Variants in EML1 observed in about 807,000 individuals in gnomAD.
The protein encoded by EML1 is EMAP like 1.
In EML1, 27 loss-of-function variants were observed where a neutral mutation model predicts 110.4. That is an observed-to-expected ratio of 0.24 (90% CI 0.18 to 0.34). The LOEUF (loss-of-function observed/expected upper bound fraction) is 0.34, where lower values mean the gene tolerates loss of function less well. EML1 is among the 10% of genes least tolerant of loss of function. The pLI, the probability that EML1 is intolerant of heterozygous loss-of-function variation, is 1.00. For synonymous variants in EML1, 344 were observed against 385.8 expected, an observed-to-expected ratio of 0.89 and a Z score of 1.27; for missense variants, 741 against 1,030.9, an observed-to-expected ratio of 0.72 and a Z score of 3.85.
intron 1 of EML1, among the ~76,000 whole-genome samples, chr14:99,807,242 A>G (rs761991780): frequency 2.6e-5 from 4 of 152,236 alleles, no homozygotes; most frequent in Non-Finnish European, 5.9e-5. Context: ...GTTGGAGTGC[A>G]TAGGCTTTGG....
intron 1 of EML1, among the ~76,000 whole-genome samples, chr14:99,758,166 A>G (rs1234307074): frequency 6.6e-6 from 1 of 152,348 alleles, no homozygotes; most frequent in Non-Finnish European, 1.5e-5. Context: ...CTGGGAAAAC[A>G]TGCTGTCTCA....
At chr14:99,748,719 T>A (rs2057141367) in intron 1 of EML1, among the ~76,000 whole-genome samples, 1 of 152,196 alleles carries the variant, frequency 6.6e-6, no homozygotes, top group African/African-American at 2.4e-5. Context: ...ATCCAGTGGT[T>A]GTTAGTATAT....
At chr14:99,800,942 A>T (rs2057863723) in intron 1 of EML1, among the ~76,000 whole-genome samples, 1 of 152,214 alleles carries the variant, frequency 6.6e-6, no homozygotes, top group South Asian at 2.1e-4. Flanking sequence ...CGAGGTAGGG[A>T]GTCTTACAGG....
At chr14:99,749,008 C>T (rs1272236000) in intron 1 of EML1, among the ~76,000 whole-genome samples, 5 of 152,132 alleles carry the variant, frequency 3.3e-5, no homozygotes, top group Non-Finnish European at 5.9e-5. Context: ...TTCCTATTGC[C>T]GATTAATACC....
chr14:99,753,231 G>A (rs929906671), intron 1 of EML1, among the ~76,000 whole-genome samples: 29 of 61,850 alleles, frequency 4.7e-4, no homozygotes, highest in African/African-American at 1.7e-3. Context: ...CACTGCCCCC[G>A]CACCTGCTTT....
intron 1 of EML1, among the ~76,000 whole-genome samples, chr14:99,840,464 C>A (rs2058615068): frequency 6.6e-6 from 1 of 152,194 alleles, no homozygotes; most frequent in African/African-American, 2.4e-5. Flanking sequence ...TCATCTGTGG[C>A]ATGAGGGTGG....
At chr14:99,790,554 T>G (rs2057652674), upstream of EML1, among the ~76,000 whole-genome samples, 1 of 152,204 alleles carries the variant, frequency 6.6e-6, no homozygotes, top group Non-Finnish European at 1.5e-5. Flanking sequence ...CTTTTCAAGT[T>G]CAGAAATACC....
chr14:99,917,898 G>A lies in EML1; in HGVS notation c.1820+49G>A, dbSNP rs756973881. 5.1e-6 allele frequency: 8 copies of A among 1,582,574 alleles called. No individual in the cohort carries two copies. The African/African-American group carries it at 1.1e-4, about 21-fold the overall frequency. ...GTGCTTGCAAAGCTTATGGAAAAGA[G>A]GCCTGTTGTTTCTATTTCCCCAGGA... On this transcript the variant is annotated intron_variant, in intron 16 of 21. Coordinates refer to ENST00000262233, the MANE Select transcript of EML1 (RefSeq NM_004434.3).
upstream of EML1, among the ~76,000 whole-genome samples, chr14:99,770,373 T>G (rs2057411163): frequency 1.2e-5 from 1 of 82,380 alleles, no homozygotes; most frequent in Non-Finnish European, 2.5e-5. Context: ...TTTAAAAAAT[T>G]TCTTTCTATC....
intron 2 of EML1, among the ~76,000 whole-genome samples, chr14:99,856,361 C>T (rs1245711136): frequency 3.3e-5 from 5 of 152,166 alleles, no homozygotes; most frequent in Admixed American, 6.5e-5. Context: ...GTGCCAAATA[C>T]ACTAGATCAT....
chr14:99,746,771 C>A (rs2057113761), intron 1 of EML1, among the ~76,000 whole-genome samples: 1 of 152,108 alleles, frequency 6.6e-6, no homozygotes, highest in South Asian at 2.1e-4. Context: ...CAACTTCATG[C>A]CTAAGAAGGC....
At chr14:99,879,574 A>C (rs1224768481) in intron 4 of EML1, among the ~76,000 whole-genome samples, 1 of 152,204 alleles carries the variant, frequency 6.6e-6, no homozygotes, top group African/African-American at 2.4e-5. Context: ...ACTCTTTTTC[A>C]GTTTTATTCC....
intron 3 of EML1, among the ~76,000 whole-genome samples, chr14:99,872,141 G>T (rs1394917111): frequency 6.6e-6 from 1 of 152,186 alleles, no homozygotes; most frequent in Non-Finnish European, 1.5e-5. Flanking sequence ...CAGATTGCAG[G>T]TCTGATGTTG....
chr14:99,761,487 G>C (rs1187917789), intron 1 of EML1, among the ~76,000 whole-genome samples: 1 of 152,162 alleles, frequency 6.6e-6, no homozygotes, highest in African/African-American at 2.4e-5. Flanking sequence ...TTCCCAAGGA[G>C]AGCAAAGTTG....
chr14:99,778,434 C>G (rs2057506014), intron 1 of EML1, among the ~76,000 whole-genome samples: 1 of 152,102 alleles, frequency 6.6e-6, no homozygotes, highest in African/African-American at 2.4e-5. Context: ...TTTCTGACAG[C>G]TTCTAATTTC....
At chr14:99,864,748 T>G (rs28610890) in intron 2 of EML1, among the ~76,000 whole-genome samples, 54,412 of 150,330 alleles carry the variant, frequency 0.36, 10,796 homozygotes, top group African/African-American at 0.52. Flanking sequence ...GGAGACCGAG[T>G]TGGCTGAGAT....
Position 99,810,213 on chromosome 14 carries a change from G to A in EML1, c.67+16670G>A, listed in dbSNP as rs577626212. Among the ~76,000 whole-genome samples the A allele has an allele frequency of 2.0e-5, 3 of 152,336 alleles. No homozygotes were observed. In the South Asian group the frequency reaches 6.2e-4, roughly 32 times the overall value. On this transcript the variant is annotated intron_variant, in intron 1 of 21. Coordinates refer to ENST00000262233, the MANE Select transcript of EML1 (RefSeq NM_004434.3). ...TTCAGAACCAGCCAGATGCTACAGA[G>A]CCAGGCTGTACCAGAGTCCAGGCCC... is the stretch of plus-strand genomic sequence containing the variant.
intron 1 of EML1, among the ~76,000 whole-genome samples, chr14:99,764,935 T>G (rs369249927): frequency 0.015 from 2,356 of 152,136 alleles, 33 homozygotes; most frequent in African/African-American, 0.044. Context: ...GTTGTTGGTG[T>G]TGTTGTTGTT....
chr14:99,884,057 G>A (rs2059433254), intron 4 of EML1, among the ~76,000 whole-genome samples: 2 of 152,186 alleles, frequency 1.3e-5, no homozygotes, highest in Non-Finnish European at 2.9e-5. Flanking sequence ...ATCTCTTTGG[G>A]GTTTTCCTCA....
Sources: allele counts gnomAD v4.1 joint callset (sites outside exome capture counted in the v4.1 genomes callset), GRCh38; gene constraint gnomAD v4.1.1; transcripts MANE v1.5; gene names NCBI Gene and HGNC (gene_info 2026-07-23, HGNC 2026-07-21).